Variants in UNCX observed in about 807,000 individuals in gnomAD.
UNCX encodes homeobox protein unc-4 homolog.
Under a neutral mutation model 14.8 loss-of-function variants are expected in UNCX, and 4 were observed. The ratio of observed to expected loss-of-function variants is 0.27; its 90% CI spans 0.13 to 0.62. The LOEUF (loss-of-function observed/expected upper bound fraction) is 0.62, where lower values mean the gene tolerates loss of function less well. Among genes scored for constraint, UNCX ranks in the 20% least tolerant of loss-of-function variants. The probability of loss-of-function intolerance (pLI) is 0.86; values close to 1 mark genes in which losing one functional copy is unlikely to be tolerated. For missense variants in UNCX, 749 were observed against 786.8 expected (o/e 0.95, Z 0.58); for synonymous variants, 459 against 395.8 (o/e 1.16, Z -1.90).
In UNCX at chr7:1,233,544, G is replaced by C. The variant is rs368326306; in HGVS notation, c.299G>C (p.Ser100Thr). ...LSDSGDPDKESPGCKRRRTRT... is the reference protein window; with the variant it reads ...LSDSGDPDKETPGCKRRRTRT... ...GACTCGGGGGACCCGGACAAGGAGA[G>C]CCCGGGCTGCAAGCGGCGGCGCACC... Residue 100 changes from serine to threonine, a missense_variant, in exon 2 of 3, where the codon AGC becomes ACC. Coordinates refer to ENST00000316333, the MANE Select transcript of UNCX (RefSeq NM_001080461.3). This position sits in a 1 kb window ranked among gnomAD's most constrained non-coding sequence, Gnocchi z 5.3. 37 of 1,612,396 alleles carry C rather than the reference G, an allele frequency of 2.3e-5. No homozygotes were observed. The highest frequency in any genetic ancestry group is 3.0e-5 in the Non-Finnish European group (35 of 1,179,776).
intron 2 of UNCX, among the ~76,000 whole-genome samples, chr7:1,234,337 G>A (rs1011797080): frequency 2.0e-5 from 3 of 152,180 alleles, no homozygotes; most frequent in Non-Finnish European, 4.4e-5. Context: ...CTGTTTTCCC[G>A]TAAATTTGCT....
chr7:1,236,403 C>G lies in UNCX; in HGVS notation c.1022C>G (p.Ser341Trp). The change falls in exon 3 of 3, where the codon TCG becomes TGG. Residue 341 changes from serine to tryptophan, a missense_variant. Physicochemically the swap from Ser to Trp is radical, Grantham distance 177 (BLOSUM62 -3). Transcript: ENST00000316333. The surrounding 1 kb of genome is among the most constrained non-coding windows in gnomAD (Gnocchi z 6.9). The part of the protein sequence containing the change: ...PFSVESLLSD[S>W]PPRRKAASNA... ...AGCGTGGAGAGCCTCCTGTCCGACT[C>G]GCCGCCGCGCCGGAAAGCCGCTTCC... 7.3e-7 allele frequency: 1 copy of G among 1,369,268 alleles called. No homozygotes were observed. The highest frequency in any genetic ancestry group is 9.4e-7 in the Non-Finnish European group (1 of 1,058,818). The allele number at this position is 1,369,268 out of a possible 1,614,324, so 84.8% of individuals were successfully genotyped here. A position where few individuals can be genotyped will look rare whatever the true frequency, so the allele number is the denominator to read the frequency against.
chr7:1,233,371 C>G lies in UNCX; in HGVS notation c.274+80C>G, dbSNP rs1461117207. 2 of 1,204,978 alleles carry G rather than the reference C, an allele frequency of 1.7e-6. No individual in the cohort carries two copies. Among genetic ancestry groups the G allele is most frequent in the Non-Finnish European group, 1.0e-6 (1 of 969,426 alleles). The allele number at this position is 1,204,978 out of a possible 1,614,324, so 74.6% of individuals were successfully genotyped here. A position where few individuals can be genotyped will look rare whatever the true frequency, so the allele number is the denominator to read the frequency against. ...GGTCCGGCCGAGGCGCTGGGGGGCC[C>G]GGGGCTGGCGAAGGAGAGCCGGCTC... On this transcript the variant is annotated intron_variant, in intron 1 of 2. Transcript: ENST00000316333. This position sits in a 1 kb window ranked among gnomAD's most constrained non-coding sequence, Gnocchi z 5.3.
Position 1,235,993 on chromosome 7 carries a change from G to C in UNCX, c.612G>C (p.Lys204Asn). ...RKELEKMEKK[K>N]RKHEKKLLKS... is the part of the protein sequence containing the mutation. ...AGCTGGAGAAGATGGAGAAGAAGAAGCGCAAGCACGAGAAGAAGCTGCTGA... is the reference window on the plus strand; with the variant it reads ...AGCTGGAGAAGATGGAGAAGAAGAACCGCAAGCACGAGAAGAAGCTGCTGA... The change falls in exon 3 of 3, where the codon AAG becomes AAC. Residue 204 changes from lysine to asparagine, a missense_variant. Physicochemically the swap from Lys to Asn is moderately conservative, Grantham distance 94 (BLOSUM62 0). This residue lies in a region of UNCX where 552 missense variants were observed against 507.2 expected (regional missense o/e 1.09). Transcript: ENST00000316333. 1 of 1,609,934 alleles carries C rather than the reference G, an allele frequency of 6.2e-7. No individual in the cohort carries two copies. Among genetic ancestry groups the C allele is most frequent in the South Asian group, 1.1e-5 (1 of 90,690 alleles).
rs1200480741 is a variant in UNCX, at chr7:1,233,794, C to A, written c.450+99C>A. The A allele has an allele frequency of 5.2e-5, 74 of 1,413,138 alleles. No individual in the cohort carries two copies. The highest frequency in any genetic ancestry group is 2.8e-6 in the Non-Finnish European group (3 of 1,060,254). 87.5% of individuals were successfully genotyped at this position (1,413,138 alleles called of 1,614,324 possible). On this transcript the variant is annotated intron_variant, in intron 2 of 2. Coordinates refer to ENST00000316333, the MANE Select transcript of UNCX (RefSeq NM_001080461.3). This position sits in a 1 kb window ranked among gnomAD's most constrained non-coding sequence, Gnocchi z 5.3. ...CAGGTGGCGAGATATCGTCCCCTTG[C>A]CGCGGGCCCGCTTCGCGCTCGCCTG...
At chr7:1,235,706 CT>C in intron 2 of UNCX, 125 bp from the exon 3 acceptor site, 10 of 856,968 alleles carry the variant, frequency 1.2e-5, no homozygotes, top group Non-Finnish European at 1.6e-5. Flanking sequence ...GGCCGCGCGG[CT>C]TCACTCCTGC....
chr7:1,236,098 C>T lies in UNCX; in HGVS notation c.717C>T (p.Gly239=), dbSNP rs1211783059. 4 of 1,517,522 alleles carry T rather than the reference C, an allele frequency of 2.6e-6. No homozygotes were observed. Among genetic ancestry groups the T allele is most frequent in the Admixed American group, 4.0e-5 (2 of 49,490 alleles). The allele number at this position is 1,517,522 out of a possible 1,614,324, so 94.0% of individuals were successfully genotyped here. A position where few individuals can be genotyped will look rare whatever the true frequency, so the allele number is the denominator to read the frequency against. The stretch of plus-strand genomic sequence containing the variant: ...CCAGCTCCGACAGCGACAGCGGCGG[C>T]GGCGGCCTGTCTCCGGAGCCGCCCG... ...SAPSSDSDSG[G]GGLSPEPPEP... Residue 239 remains glycine, a synonymous_variant, in exon 3 of 3, where the codon GGC becomes GGT. Transcript: ENST00000316333. The surrounding 1 kb of genome is among the most constrained non-coding windows in gnomAD (Gnocchi z 6.9).
chr7:1,233,648 C>T lies in UNCX; in HGVS notation c.403C>T (p.Arg135Cys). 6.2e-7 allele frequency: 1 copy of T among 1,612,376 alleles called. No homozygotes were observed. The highest frequency in any genetic ancestry group is 8.5e-7 in the Non-Finnish European group (1 of 1,179,464). The change falls in exon 2 of 3, where the codon CGC becomes TGC. Residue 135 changes from arginine to cysteine, a missense_variant. Coordinates refer to ENST00000316333, the MANE Select transcript of UNCX (RefSeq NM_001080461.3). The surrounding 1 kb of genome is among the most constrained non-coding windows in gnomAD (Gnocchi z 5.3). Reference protein sequence around the residue: ...NESHYPDVFMREALALRLDLV... With the variant: ...NESHYPDVFMCEALALRLDLV... ...GAGCCACTATCCCGACGTGTTCATGCGCGAGGCGCTGGCGCTGCGCCTAGA... is the reference window on the plus strand; with the variant it reads ...GAGCCACTATCCCGACGTGTTCATGTGCGAGGCGCTGGCGCTGCGCCTAGA...
At position 1,237,097 on chromosome 7, in the gene UNCX, T is replaced by C. The variant is rs2128273097; in HGVS notation, c.*120T>C. 1 of 900,914 alleles carries C rather than the reference T, an allele frequency of 1.1e-6. No homozygotes were observed. The highest frequency in any genetic ancestry group is 6.9e-5 in the East Asian group (1 of 14,410). 55.8% of individuals were successfully genotyped at this position (900,914 alleles called of 1,614,324 possible). A position where few individuals can be genotyped will look rare whatever the true frequency, so the allele number is the denominator to read the frequency against. On this transcript the variant is annotated 3_prime_UTR_variant, in exon 3 of 3. Transcript: ENST00000316333. This position sits in a 1 kb window ranked among gnomAD's most constrained non-coding sequence, Gnocchi z 5.8. The stretch of plus-strand genomic sequence containing the variant: ...CTGCTTTCCCTTCTTTTCTTTTGTT[T>C]TCTTTCTTTTATTATTTTTTTTAAG...
At chr7:1,235,712 T>A in intron 2 of UNCX, 120 bp from the exon 3 acceptor site, 1 of 930,712 alleles carries the variant, frequency 1.1e-6, no homozygotes, top group Non-Finnish European at 1.6e-6. Flanking sequence ...GCGGCTTCAC[T>A]CCTGCCCCGG....
Position 1,236,178 on chromosome 7 carries a change from G to T in UNCX, c.797G>T (p.Gly266Val). 10 of 1,228,978 alleles carry T rather than the reference G, an allele frequency of 8.1e-6. No homozygotes were observed. Among genetic ancestry groups the T allele is most frequent in the Non-Finnish European group, 1.0e-5 (10 of 977,458 alleles). 76.1% of individuals were successfully genotyped at this position (1,228,978 alleles called of 1,614,324 possible). A position where few individuals can be genotyped will look rare whatever the true frequency, so the allele number is the denominator to read the frequency against. The change falls in exon 3 of 3, where the codon GGG becomes GTG. Residue 266 changes from glycine (G) to valine (V), a missense_variant. Coordinates refer to ENST00000316333, the MANE Select transcript of UNCX (RefSeq NM_001080461.3). The surrounding 1 kb of genome is among the most constrained non-coding windows in gnomAD (Gnocchi z 6.9). ...GGAGCGCACGCCTCGGGCGCCGCGG[G>T]GACCGCGCCCGCCCCTCCCGGCGAG... ...GPGAHASGAA[G>V]TAPAPPGEPP... is the part of the protein sequence containing the mutation.
At position 1,236,580 on chromosome 7, in the gene UNCX, C is replaced by T. The variant is rs1182994505; in HGVS notation, c.1199C>T (p.Ala400Val). 3 of 1,279,472 alleles carry T rather than the reference C, an allele frequency of 2.3e-6. No individual in the cohort carries two copies. The highest frequency in any genetic ancestry group is 5.9e-5 in the Admixed American group (2 of 33,634). The allele number at this position is 1,279,472 out of a possible 1,614,324, so 79.3% of individuals were successfully genotyped here. ...LVPQAALKGG[A>V]GLEPAPKDAP... ...CCGCAGGCCGCGCTCAAGGGCGGCG[C>T]GGGCCTGGAGCCGGCGCCCAAGGAC... is the stretch of plus-strand genomic sequence containing the variant. The change falls in exon 3 of 3, where the codon GCG becomes GTG. Residue 400 changes from alanine (A) to valine (V), a missense_variant. By Grantham distance (64) the Ala-to-Val change is moderately conservative. Coordinates refer to ENST00000316333, the MANE Select transcript of UNCX (RefSeq NM_001080461.3). This position sits in a 1 kb window ranked among gnomAD's most constrained non-coding sequence, Gnocchi z 6.9.
Position 1,233,420 on chromosome 7 carries a change from C to CCA in UNCX, c.275-99_275-98insAC. 3.6e-6 allele frequency: 5 copies of CCA among 1,373,350 alleles called. No individual in the cohort carries two copies. Among genetic ancestry groups the CCA allele is most frequent in the Admixed American group, 3.3e-5 (1 of 30,170 alleles). 85.1% of individuals were successfully genotyped at this position (1,373,350 alleles called of 1,614,324 possible). ...TCCTAGGCGGCCGTCTCTGCGCCCCCCCCCCCGGATCCAGGCGGCCAGCGG... is the reference window on the plus strand; with the variant it reads ...TCCTAGGCGGCCGTCTCTGCGCCCCCCACCCCCCGGATCCAGGCGGCCAGCGG... On this transcript the variant is annotated intron_variant, in intron 1 of 2. Coordinates refer to ENST00000316333, the MANE Select transcript of UNCX (RefSeq NM_001080461.3). The surrounding 1 kb of genome is among the most constrained non-coding windows in gnomAD (Gnocchi z 5.3).
In UNCX at chr7:1,236,265, C is replaced by G; in HGVS notation, c.884C>G (p.Pro295Arg). The G allele has an allele frequency of 7.2e-7, 1 of 1,380,196 alleles. No homozygotes were observed. Among genetic ancestry groups the G allele is most frequent in the Non-Finnish European group, 9.4e-7 (1 of 1,060,082 alleles). 85.5% of individuals were successfully genotyped at this position (1,380,196 alleles called of 1,614,324 possible). A position where few individuals can be genotyped will look rare whatever the true frequency, so the allele number is the denominator to read the frequency against. Reference sequence around the variant, plus strand: ...CCGAGCCAAAGAAGCGGCGCCGGCCCACAGCCGCGCCCAGGTCGCCCTGCG... The same window carrying G: ...CCGAGCCAAAGAAGCGGCGCCGGCCGACAGCCGCGCCCAGGTCGCCCTGCG... ...FYPSQRSGAG[P>R]QPRPGRPADK... Residue 295 changes from proline (P) to arginine (R), a missense_variant, in exon 3 of 3, where the codon CCA becomes CGA. Coordinates refer to ENST00000316333, the MANE Select transcript of UNCX (RefSeq NM_001080461.3). This position sits in a 1 kb window ranked among gnomAD's most constrained non-coding sequence, Gnocchi z 6.9.
Position 1,235,669 on chromosome 7 carries a change from T to G in UNCX, c.451-163T>G, listed in dbSNP as rs1415395665. Among the ~76,000 whole-genome samples the G allele has an allele frequency of 2.0e-5, 3 of 152,294 alleles. No individual in the cohort carries two copies. In the East Asian group the frequency reaches 5.8e-4, roughly 30 times the overall value. On this transcript the variant is annotated intron_variant, in intron 2 of 2. Transcript: ENST00000316333. ...CGCTCGCTGGAACCTGCAGCTCCAG[T>G]GGCAAAGCCCAGCTCAGGGCCCGCT...
At position 1,233,425 on chromosome 7, in the gene UNCX, CCG is replaced by C; in HGVS notation, c.275-94_275-93del. 2 of 1,383,196 alleles carry C rather than the reference CCG, an allele frequency of 1.4e-6. No homozygotes were observed. The highest frequency in any genetic ancestry group is 2.9e-5 in the East Asian group (1 of 34,094). 85.7% of individuals were successfully genotyped at this position (1,383,196 alleles called of 1,614,324 possible). On this transcript the variant is annotated intron_variant, in intron 1 of 2. Transcript: ENST00000316333. This position sits in a 1 kb window ranked among gnomAD's most constrained non-coding sequence, Gnocchi z 5.3. ...GGCGGCCGTCTCTGCGCCCCCCCCC[CCG>C]GATCCAGGCGGCCAGCGGGTAGCGG...
chr7:1,236,549 CT>C lies in UNCX; in HGVS notation c.1169del (p.Leu390ArgfsTer152). On this transcript the variant is annotated frameshift_variant, in exon 3 of 3. Coordinates refer to ENST00000316333, the MANE Select transcript of UNCX (RefSeq NM_001080461.3). LOFTEE classifies it low-confidence loss of function (END_TRUNC). This position sits in a 1 kb window ranked among gnomAD's most constrained non-coding sequence, Gnocchi z 6.9. The stretch of plus-strand genomic sequence containing the variant: ...CCCCATCACGCAGCCGCTCGGCTTC[CT>C]GGTGCCGCAGGCCGCGCTCAAGGGC... Reference protein sequence around the residue: ...LYPITQPLGFLVPQAALKGGA... With the variant: ...LYPITQPLGFXVPQAALKGGA... 7.3e-7 allele frequency: 1 copy of C among 1,372,934 alleles called. No individual in the cohort carries two copies. Among genetic ancestry groups the C allele is most frequent in the Non-Finnish European group, 9.5e-7 (1 of 1,053,548 alleles). 85.0% of individuals were successfully genotyped at this position (1,372,934 alleles called of 1,614,324 possible). A position where few individuals can be genotyped will look rare whatever the true frequency, so the allele number is the denominator to read the frequency against.
Position 1,233,425 on chromosome 7 carries a change from C to CG in UNCX, c.275-95_275-94insG, listed in dbSNP as rs1182154591. ...GGCGGCCGTCTCTGCGCCCCCCCCC[C>CG]CGGATCCAGGCGGCCAGCGGGTAGC... On this transcript the variant is annotated intron_variant, in intron 1 of 2. Transcript: ENST00000316333. The surrounding 1 kb of genome is among the most constrained non-coding windows in gnomAD (Gnocchi z 5.3). 7.3e-5 allele frequency: 101 copies of CG among 1,383,194 alleles called. 1 individual carries two copies. The South Asian group carries it at 1.1e-3, about 15-fold the overall frequency. 85.7% of individuals were successfully genotyped at this position (1,383,194 alleles called of 1,614,324 possible).
intron 2 of UNCX, among the ~76,000 whole-genome samples, chr7:1,234,025 G>A (rs1207447763): frequency 6.6e-6 from 1 of 152,206 alleles, no homozygotes; most frequent in Non-Finnish European, 1.5e-5. Flanking sequence ...CAGGGGCGAG[G>A]AGGGGAGGAG....
Sources: allele counts gnomAD v4.1 joint callset (sites outside exome capture counted in the v4.1 genomes callset), GRCh38; gene constraint gnomAD v4.1.1; regional missense constraint gnomAD v4.1.1; non-coding constraint Gnocchi (gnomAD v3.1); transcripts MANE v1.5; gene names NCBI Gene and HGNC (gene_info 2026-07-23, HGNC 2026-07-21).